Variants in MAP4K3 observed in about 807,000 individuals in gnomAD.
MAP4K3 encodes mitogen-activated protein kinase kinase kinase kinase 3, also known as MAPK/ERK kinase kinase kinase 3.
A neutral mutation model predicts 143.5 loss-of-function variants in MAP4K3; 94 were observed. That is an observed-to-expected ratio of 0.65 (90% CI 0.55 to 0.78). The LOEUF (loss-of-function observed/expected upper bound fraction) is 0.78, where lower values mean the gene tolerates loss of function less well. Ranked by LOEUF, MAP4K3 falls within the 30% of genes least tolerant of loss-of-function variation. The pLI is 0.00. For missense variants in MAP4K3, 1,077 were observed against 1,068.1 expected, an observed-to-expected ratio of 1.01 and a Z score of -0.12; for synonymous variants, 416 against 347.2, an observed-to-expected ratio of 1.20 and a Z score of -2.20.
intron 8 of MAP4K3, among the ~76,000 whole-genome samples, chr2:39,331,015 C>CT (rs1197289109): frequency 6.6e-6 from 1 of 151,946 alleles, no homozygotes; most frequent in Non-Finnish European, 1.5e-5. Context: ...TCTCATATGC[C>CT]TTTTTAGCAT....
In MAP4K3 at chr2:39,282,538, C is replaced by A; in HGVS notation, c.1604G>T (p.Gly535Val). The A allele has an allele frequency of 6.2e-7, 1 of 1,611,478 alleles. No individual in the cohort carries two copies. The highest frequency in any genetic ancestry group is 8.5e-7 in the Non-Finnish European group (1 of 1,178,656). The change falls in exon 22 of 34, where the codon GGT (glycine) becomes GTT (valine). Residue 535 changes from glycine to valine, a missense_variant. By Grantham distance (109) the Gly-to-Val change is moderately radical (BLOSUM62 -3). Around this residue, in one of 2 missense-constraint regions of MAP4K3, gnomAD observed 864 missense variants for 801.2 expected, o/e 1.08. Transcript: ENST00000263881. ...KKDVPKPISNGLPPTPKVHMG... is the reference protein window; with the variant it reads ...KKDVPKPISNVLPPTPKVHMG... ...ATGCACTTTAGGTGTTGGAGGAAGA[C>A]CATTACTAATAGGCTTCTAGAAAAA...
chr2:39,295,715 G>GTTTT (rs56299783), intron 16 of MAP4K3, among the ~76,000 whole-genome samples: 3 of 98,546 alleles, frequency 3.0e-5, no homozygotes, highest in Admixed American at 1.2e-4. Context: ...CGCATTCCAT[G>GTTTT]TTTTTTTTTT....
At chr2:39,429,368 T>C (rs536637987) in intron 1 of MAP4K3, among the ~76,000 whole-genome samples, 78 of 152,326 alleles carry the variant, frequency 5.1e-4, no homozygotes, top group African/African-American at 1.7e-3. Flanking sequence ...GAAGACTCAA[T>C]GTTTTTAAGA....
rs778096362 is a variant in MAP4K3 at position 39,336,964 on chromosome 2, A to C, written c.370T>G (p.Leu124Val). The C allele has an allele frequency of 7.4e-7, 1 of 1,346,322 alleles. No individual in the cohort carries two copies. Among genetic ancestry groups the C allele is most frequent in the South Asian group, 1.3e-5 (1 of 77,014 alleles). The allele number at this position is 1,346,322 out of a possible 1,614,324, so 83.4% of individuals were successfully genotyped here. Reference protein sequence around the residue: ...AYVSRETLQGLYYLHSKGKMH... With the variant: ...AYVSRETLQGVYYLHSKGKMH... Reference sequence around the variant, plus strand: ...TTTCCTTTACTGTGAAGATAATATAATCCCTGGAGTTTCAAAAAACAGAAA... The same window carrying C: ...TTTCCTTTACTGTGAAGATAATATACTCCCTGGAGTTTCAAAAAACAGAAA... The change falls in exon 6 of 34, where the codon TTA becomes GTA. Residue 124 changes from leucine (L) to valine (V), a missense_variant. Physicochemically the swap from Leu to Val is conservative, Grantham distance 32 (BLOSUM62 1). Coordinates refer to ENST00000263881, the MANE Select transcript of MAP4K3 (RefSeq NM_003618.4).
chr2:39,376,468 G>C (rs969306922), intron 2 of MAP4K3, among the ~76,000 whole-genome samples: 3 of 152,172 alleles, frequency 2.0e-5, no homozygotes, highest in Non-Finnish European at 4.4e-5. Flanking sequence ...GCAACAACTT[G>C]AACATTTCAT....
rs115593400 is a variant in MAP4K3 at position 39,286,086 on chromosome 2, T to A, written c.1587+766A>T. On this transcript the variant is annotated intron_variant, in intron 21 of 33. Coordinates refer to ENST00000263881, the MANE Select transcript of MAP4K3 (RefSeq NM_003618.4). Reference sequence around the variant, plus strand: ...CTCTAACAGTGGTTCCCCAACCTTTTCGGCATCAGGGACTGGTTTCGTGGA... The same window carrying A: ...CTCTAACAGTGGTTCCCCAACCTTTACGGCATCAGGGACTGGTTTCGTGGA... Among the ~76,000 whole-genome samples the A allele has an allele frequency of 4.9e-3, 754 of 152,342 alleles. 10 individuals are homozygous for A. The highest frequency in any genetic ancestry group is 0.017 in the African/African-American group (701 of 41,570).
At chr2:39,338,113 T>C (rs951650479) in intron 4 of MAP4K3, among the ~76,000 whole-genome samples, 1 of 152,148 alleles carries the variant, frequency 6.6e-6, no homozygotes, top group Non-Finnish European at 1.5e-5. Flanking sequence ...ATCTCCAGTG[T>C]GCAGAACAGT....
At position 39,373,005 on chromosome 2, in the gene MAP4K3, C is replaced by T. The variant is rs534140907; in HGVS notation, c.154+5061G>A. On this transcript the variant is annotated intron_variant, in intron 2 of 33. Coordinates refer to ENST00000263881, the MANE Select transcript of MAP4K3 (RefSeq NM_003618.4). ...TAATCAACAAAGAGAAGAGACAACC[C>T]CATGAATGGCAGAAAATATCTGCAA... Among the ~76,000 whole-genome samples the T allele has an allele frequency of 9.9e-5, 15 of 152,168 alleles. No homozygotes were observed. The East Asian group carries it at 2.7e-3, about 27-fold the overall frequency.
intron 1 of MAP4K3, among the ~76,000 whole-genome samples, chr2:39,403,652 A>G (rs762210625): frequency 3.3e-5 from 5 of 152,032 alleles, no homozygotes; most frequent in Admixed American, 6.5e-5. Context: ...CCTGAAAGGC[A>G]GTCTAGGCCA....
At chr2:39,390,161 A>G (rs1666613401) in intron 1 of MAP4K3, among the ~76,000 whole-genome samples, 1 of 152,146 alleles carries the variant, frequency 6.6e-6, no homozygotes, top group African/African-American at 2.4e-5. Flanking sequence ...GTGGAGGGAC[A>G]TTTACATTTT....
intron 1 of MAP4K3, among the ~76,000 whole-genome samples, chr2:39,391,919 A>G (rs1000141056): frequency 6.6e-6 from 1 of 152,128 alleles, no homozygotes. Flanking sequence ...GCGGTGGCTC[A>G]CATCTGTAAT....
intron 1 of MAP4K3, among the ~76,000 whole-genome samples, chr2:39,403,048 G>C (rs1666991314): frequency 6.6e-6 from 1 of 152,092 alleles, no homozygotes; most frequent in South Asian, 2.1e-4. Context: ...TCAATCTATA[G>C]TTTAAAATGC....
intron 1 of MAP4K3, among the ~76,000 whole-genome samples, chr2:39,434,570 T>C (rs963937983): frequency 2.6e-5 from 4 of 152,232 alleles, no homozygotes; most frequent in African/African-American, 7.2e-5. Flanking sequence ...ACAACTCAAA[T>C]GCTAAACTAA....
chr2:39,349,409 T>C (rs1198201559), intron 3 of MAP4K3, among the ~76,000 whole-genome samples: 2 of 152,154 alleles, frequency 1.3e-5, no homozygotes, highest in Non-Finnish European at 2.9e-5. Flanking sequence ...TATTTCTCTA[T>C]AATTATACCT....
Position 39,292,643 on chromosome 2 carries a change from G to C in MAP4K3, c.1271+130C>G, listed in dbSNP as rs1573105927. On this transcript the variant is annotated intron_variant, in intron 18 of 33. Transcript: ENST00000263881. ...ATGTAACTAGAATAGAAAAAAGGAA[G>C]GAAACTGAGATACAACCCATGATAT... 5 of 765,140 alleles carry C rather than the reference G, an allele frequency of 6.5e-6. No homozygotes were observed. The East Asian group carries it at 1.3e-4, about 20-fold the overall frequency. The allele number at this position is 765,140 out of a possible 1,614,324, so 47.4% of individuals were successfully genotyped here. A position where few individuals can be genotyped will look rare whatever the true frequency, so the allele number is the denominator to read the frequency against.
chr2:39,334,446 GAA>G (rs67072398), intron 6 of MAP4K3, among the ~76,000 whole-genome samples: 1 of 151,190 alleles, frequency 6.6e-6, no homozygotes, highest in Non-Finnish European at 1.5e-5. Context: ...GGGTTGGGGA[GAA>G]AAAAAAAGGC....
At chr2:39,338,012 C>G (rs1033095700) in intron 4 of MAP4K3, among the ~76,000 whole-genome samples, 4 of 152,016 alleles carry the variant, frequency 2.6e-5, no homozygotes, top group African/African-American at 7.2e-5. Context: ...ATCTTCCTGC[C>G]TCAGCCTCCT....
In MAP4K3 at chr2:39,272,301, G is replaced by C; in HGVS notation, c.1955C>G (p.Pro652Arg). The C allele has an allele frequency of 6.2e-7, 1 of 1,612,144 alleles. No individual in the cohort carries two copies. The highest frequency in any genetic ancestry group is 2.2e-5 in the East Asian group (1 of 44,776). ...LPVAIPAHKL[P>R]DRILPRKFSV... ...CCCTTACCTTGGCAGTATTCTGTCA[G>C]GGAGTTTGTGTGCTGGAATAGCAAC... Residue 652 changes from proline (P) to arginine (R), a missense_variant, in exon 26 of 34, where the codon CCT (proline) becomes CGT (arginine). Physicochemically the swap from Pro to Arg is moderately radical, Grantham distance 103. Around this residue, in one of 2 missense-constraint regions of MAP4K3, gnomAD observed 864 missense variants for 801.2 expected, o/e 1.08. Coordinates refer to ENST00000263881, the MANE Select transcript of MAP4K3 (RefSeq NM_003618.4).
intron 15 of MAP4K3, among the ~76,000 whole-genome samples, chr2:39,305,313 A>C (rs1195425272): frequency 6.6e-6 from 1 of 152,192 alleles, no homozygotes; most frequent in Non-Finnish European, 1.5e-5. Flanking sequence ...TACTTTAAAA[A>C]TATATACTGA....
Sources: gnomAD v4.1 joint callset for allele counts (sites outside exome capture counted in the v4.1 genomes callset) on GRCh38, gnomAD v4.1.1 for gene constraint, gnomAD v4.1.1 regional missense constraint, MANE v1.5 for transcripts, NCBI Gene and HGNC (gene_info 2026-07-23, HGNC 2026-07-21) for gene names.